TRIM35: variants seen among roughly 807,000 people sequenced by gnomAD.
The protein encoded by TRIM35 is tripartite motif containing 35.
Under a neutral mutation model 49.1 loss-of-function variants are expected in TRIM35, and 37 were observed. The observed-to-expected ratio is 0.75, with a 90% CI of 0.58 to 0.99. The LOEUF (loss-of-function observed/expected upper bound fraction) is 0.99, where lower values mean the gene tolerates loss of function less well. Among genes scored for constraint, TRIM35 ranks in the 50% least tolerant of loss-of-function variants. The pLI is 0.00. For synonymous variants in TRIM35, 302 were observed against 289.3 expected, an observed-to-expected ratio of 1.04 and a Z score of -0.45; for missense variants, 648 against 702.7, an observed-to-expected ratio of 0.92 and a Z score of 0.88.
At chr8:27,291,386 A>T (rs377383161) in intron 3 of TRIM35, among the ~76,000 whole-genome samples, 1 of 152,234 alleles carries the variant, frequency 6.6e-6, no homozygotes, top group Non-Finnish European at 1.5e-5. Context: ...AAGGATGGTT[A>T]TAATTTTTAA....
chr8:27,288,702 A>G (rs915066918), intron 5 of TRIM35, among the ~76,000 whole-genome samples: 7 of 152,174 alleles, frequency 4.6e-5, no homozygotes, highest in Non-Finnish European at 1.0e-4. Flanking sequence ...AGGAACTCAT[A>G]CAGGCAGAGA....
At chr8:27,308,864 G>A (rs561605235) in intron 1 of TRIM35, among the ~76,000 whole-genome samples, 2 of 152,240 alleles carry the variant, frequency 1.3e-5, no homozygotes, top group African/African-American at 4.8e-5. Flanking sequence ...GTGAGCCACC[G>A]GCCTCCTGGA....
Position 27,285,516 on chromosome 8 carries a change from A to G in TRIM35, c.*2034T>C, listed in dbSNP as rs1013902828. The stretch of plus-strand genomic sequence containing the variant: ...GTAGTACTACCATTCCATACAATGG[A>G]ATATTACCCGATGAAAAAATAAAGT... On this transcript the variant is annotated 3_prime_UTR_variant, in exon 6 of 6. Transcript: ENST00000305364. The G allele has an allele frequency of 3.3e-5, 5 of 152,218 alleles. No homozygotes were observed. Among genetic ancestry groups the G allele is most frequent in the African/African-American group, 1.2e-4 (5 of 41,448 alleles). The allele number at this position is 152,218 out of a possible 1,614,324, so 9.4% of individuals were successfully genotyped here. A position where few individuals can be genotyped will look rare whatever the true frequency, so the allele number is the denominator to read the frequency against.
intron 1 of TRIM35, among the ~76,000 whole-genome samples, chr8:27,306,329 CTTT>C (rs35352785): frequency 2.8e-5 from 4 of 141,740 alleles, no homozygotes; most frequent in Non-Finnish European, 4.6e-5. Flanking sequence ...TTTTTTCTTT[CTTT>C]TTTTTTTTTT....
chr8:27,300,295 C>T (rs1028836218), intron 1 of TRIM35, among the ~76,000 whole-genome samples: 12 of 152,224 alleles, frequency 7.9e-5, no homozygotes, highest in Non-Finnish European at 1.8e-4. Flanking sequence ...GGCAGAGGCA[C>T]CCAGAGCTAA....
chr8:27,286,738 G>C lies in TRIM35; in HGVS notation c.*812C>G, dbSNP rs1202641973. 2.6e-5 allele frequency: 4 copies of C among 153,436 alleles called. No individual in the cohort carries two copies. The highest frequency in any genetic ancestry group is 5.8e-5 in the Non-Finnish European group (4 of 69,008). 9.5% of individuals were successfully genotyped at this position (153,436 alleles called of 1,614,324 possible). Reference sequence around the variant, plus strand: ...TGTACTCTTGATGCTCTGGTATCTGGGGCCTCGCTGACCTGGACAGACTGA... The same window carrying C: ...TGTACTCTTGATGCTCTGGTATCTGCGGCCTCGCTGACCTGGACAGACTGA... On this transcript the variant is annotated 3_prime_UTR_variant, in exon 6 of 6. Transcript: ENST00000305364.
At chr8:27,297,860 G>C (rs1045895194) in intron 2 of TRIM35, among the ~76,000 whole-genome samples, 1 of 152,184 alleles carries the variant, frequency 6.6e-6, no homozygotes, top group Non-Finnish European at 1.5e-5. Flanking sequence ...AGATGGCCTT[G>C]GAGGCCATGG....
At chr8:27,304,759 A>C (rs1399749377) in intron 1 of TRIM35, 1 of 448,018 alleles carries the variant, frequency 2.2e-6, no homozygotes. Context: ...TCTGCTATAT[A>C]CCTTGCCTCC....
chr8:27,297,349 A>C (rs1355461684), intron 2 of TRIM35, among the ~76,000 whole-genome samples: 4 of 152,226 alleles, frequency 2.6e-5, no homozygotes. Context: ...CAAAGACCAG[A>C]GCCAAGATCA....
At chr8:27,306,956 T>C (rs1269232788) in intron 1 of TRIM35, among the ~76,000 whole-genome samples, 1 of 152,254 alleles carries the variant, frequency 6.6e-6, no homozygotes, top group African/African-American at 2.4e-5. Context: ...TTTTGTTTTA[T>C]TGCTTATATG....
chr8:27,287,850 C>T lies in TRIM35; in HGVS notation c.1182G>A (p.Ser394=), dbSNP rs767104561. Residue 394 remains serine (S), a synonymous_variant, in exon 6 of 6, where the codon TCG becomes TCA. Transcript: ENST00000305364. This position sits in a 1 kb window ranked among gnomAD's most constrained non-coding sequence, Gnocchi z 6.0. ...HSHSCYHDTR[S]GFWYVCRTQG... Reference sequence around the variant, plus strand: ...GCGTGCGGCAGACATACCAGAAGCCCGAGCGTGTGTCGTGGTAGCAGCTGT... The same window carrying T: ...GCGTGCGGCAGACATACCAGAAGCCTGAGCGTGTGTCGTGGTAGCAGCTGT... 30 of 1,612,782 alleles carry T rather than the reference C, an allele frequency of 1.9e-5. No homozygotes were observed. Among genetic ancestry groups the T allele is most frequent in the Middle Eastern group, 1.6e-4 (1 of 6,082 alleles).
At chr8:27,294,013 G>A (rs1802510750) in intron 3 of TRIM35, 67 bp downstream of exon 3, 3 of 1,518,272 alleles carry the variant, frequency 2.0e-6, no homozygotes, top group East Asian at 2.3e-5. Flanking sequence ...GGGCTGGTGG[G>A]CTATGGCTCC....
chr8:27,310,739 G>A, intron 1 of TRIM35, 62 bp downstream of exon 1: 1 of 1,504,334 alleles, frequency 6.6e-7, no homozygotes, highest in Non-Finnish European at 8.9e-7. Context: ...GGGAGCCGCA[G>A]AGCCAAGGGA....
Position 27,310,821 on chromosome 8 carries a change from C to A in TRIM35, c.415G>T (p.Asp139Tyr). ...CTTACCCGAAAGTCGTGGGCAGTGT[C>A]CTTCACCGGCTGCACGCGGTGCCCC... ...HQGHRVQPVKDTAHDFRAKCR... is the reference protein window; with the variant it reads ...HQGHRVQPVKYTAHDFRAKCR... Residue 139 changes from aspartate (D) to tyrosine (Y), a missense_variant, in exon 1 of 6, where the codon GAC becomes TAC. By Grantham distance (160) the Asp-to-Tyr change is radical (BLOSUM62 -3). Coordinates refer to ENST00000305364, the MANE Select transcript of TRIM35 (RefSeq NM_171982.5). The A allele has an allele frequency of 6.2e-7, 1 of 1,605,238 alleles. No homozygotes were observed.
At chr8:27,309,477 G>C (rs578054040) in intron 1 of TRIM35, among the ~76,000 whole-genome samples, 59 of 152,226 alleles carry the variant, frequency 3.9e-4, no homozygotes, top group Non-Finnish European at 6.9e-4. Context: ...ATTTGGAGCG[G>C]AACAGACTTC....
At chr8:27,297,673 GC>G (rs1802597446) in intron 2 of TRIM35, among the ~76,000 whole-genome samples, 1 of 152,222 alleles carries the variant, frequency 6.6e-6, no homozygotes. Context: ...AGGAAATTAT[GC>G]CATCGAGTAA....
At chr8:27,292,704 C>T (rs1802479319) in intron 3 of TRIM35, among the ~76,000 whole-genome samples, 1 of 152,152 alleles carries the variant, frequency 6.6e-6, no homozygotes, top group Admixed American at 6.5e-5. Context: ...GGAGGAGGAA[C>T]TGGGGAGTGA....
chr8:27,293,469 T>C (rs1182653931), intron 3 of TRIM35, among the ~76,000 whole-genome samples: 1 of 152,110 alleles, frequency 6.6e-6, no homozygotes, highest in Non-Finnish European at 1.5e-5. Flanking sequence ...AATTGAATGA[T>C]TTTAAAAGAA....
At chr8:27,289,524 C>T (rs1053270635) in intron 4 of TRIM35, among the ~76,000 whole-genome samples, 3 of 152,212 alleles carry the variant, frequency 2.0e-5, no homozygotes, top group Non-Finnish European at 2.9e-5. Flanking sequence ...GAAATACAAA[C>T]AGGAGGTTCT....
Sources: gnomAD v4.1 joint callset for allele counts (sites outside exome capture counted in the v4.1 genomes callset) on GRCh38, gnomAD v4.1.1 for gene constraint, Gnocchi (gnomAD v3.1) non-coding constraint, MANE v1.5 for transcripts, NCBI Gene and HGNC (gene_info 2026-07-23, HGNC 2026-07-21) for gene names.